ERBB3: variants seen among roughly 807,000 people sequenced by gnomAD.
ERBB3 encodes receptor tyrosine-protein kinase erbB-3.
In ERBB3, 96 loss-of-function variants were observed where a neutral mutation model predicts 156.7. That is an observed-to-expected ratio of 0.61 (90% confidence interval 0.52 to 0.73). The LOEUF is 0.73. ERBB3 is among the 30% of genes least tolerant of loss of function. ERBB3 has a pLI of 0.00. For synonymous variants in ERBB3, 567 were observed against 632.0 expected (o/e 0.90, Z 1.54); for missense variants, 1,406 against 1,709.4 (o/e 0.82, Z 3.13).
rs1312959630 is a variant in ERBB3, at chr12:56,088,539, C to T, written c.875-4C>T. 2 of 1,603,198 alleles carry T rather than the reference C, an allele frequency of 1.2e-6. No individual in the cohort carries two copies. The highest frequency in any genetic ancestry group is 1.3e-5 in the African/African-American group (1 of 74,660). ...TCTAATGGTGTCCTCCTCCTCTTCC[C>T]TAGATAACTTTGTGGTGGATCAAAC... On this transcript the variant is annotated splice_region_variant and splice_polypyrimidine_tract_variant and intron_variant, in intron 7 of 27. Transcript: ENST00000267101.
intron 6 of ERBB3, 45 bp from the exon 7 acceptor site, chr12:56,087,976 G>A: frequency 1.2e-6 from 2 of 1,613,958 alleles, no homozygotes; most frequent in Non-Finnish European, 1.7e-6. Flanking sequence ...GAGGAGGTAG[G>A]GGTACACACG....
chr12:56,096,159 T>C, intron 17 of ERBB3: 1 of 503,812 alleles, frequency 2.0e-6, no homozygotes. Flanking sequence ...TAAAGGGGGA[T>C]GATGTATGTG....
At chr12:56,094,047 T>A in intron 13 of ERBB3, 52 bp from the exon 14 acceptor site, 2 of 1,569,900 alleles carry the variant, frequency 1.3e-6, no homozygotes, top group South Asian at 1.1e-5. Context: ...GATCGGAGCA[T>A]GAAGGTCAGG....
Position 56,101,903 on chromosome 12 carries a change from A to T in ERBB3, c.3877A>T (p.Arg1293Ter). Reference protein sequence around the residue: ...PASEQGYEEMRAFQGPGHQAP... With the variant: ...PASEQGYEEM ...ATCTGAGCAAGGGTATGAAGAGATG[A>T]GAGCTTTTCAGGGGCCTGGACATCA... The change falls in exon 28 of 28, where the codon AGA becomes TGA. Residue 1293 changes from arginine (R) to a stop codon, truncating the protein, a stop_gained. Coordinates refer to ENST00000267101, the MANE Select transcript of ERBB3 (RefSeq NM_001982.4). LOFTEE classifies it high-confidence loss of function. 1 of 1,613,566 alleles carries T rather than the reference A, an allele frequency of 6.2e-7. No individual in the cohort carries two copies. Among genetic ancestry groups the T allele is most frequent in the South Asian group, 1.1e-5 (1 of 91,040 alleles).
intron 2 of ERBB3, among the ~76,000 whole-genome samples, chr12:56,084,357 T>G (rs1868404544): frequency 6.6e-6 from 1 of 152,162 alleles, no homozygotes; most frequent in Non-Finnish European, 1.5e-5. Context: ...ATGCCTGTAA[T>G]CCCAGCACTT....
At position 56,101,584 on chromosome 12, in the gene ERBB3, G is replaced by C; in HGVS notation, c.3558G>C (p.Leu1186=). The C allele has an allele frequency of 6.2e-7, 1 of 1,613,946 alleles. No individual in the cohort carries two copies. Among genetic ancestry groups the C allele is most frequent in the African/African-American group, 1.3e-5 (1 of 74,946 alleles). ...TLSSVGLSSV[L]GTEEEDEDEE... ...CTTCAGTGGGTCTCAGTTCTGTCCT[G>C]GGTACTGAAGAAGAAGATGAAGATG... The change falls in exon 28 of 28, where the codon CTG becomes CTC. Residue 1186 remains leucine, a synonymous_variant. Coordinates refer to ENST00000267101, the MANE Select transcript of ERBB3 (RefSeq NM_001982.4).
rs775382907 is a variant in ERBB3 at position 56,087,651 on chromosome 12, G to T, written c.613+9G>T. On this transcript the variant is annotated intron_variant, in intron 5 of 27. Coordinates refer to ENST00000267101, the MANE Select transcript of ERBB3 (RefSeq NM_001982.4). Reference sequence around the variant, plus strand: ...AGAAGACTGCCAGACATGTGGGTTTGAAATTCCCTCCAAAAACTTCACTCA... The same window carrying T: ...AGAAGACTGCCAGACATGTGGGTTTTAAATTCCCTCCAAAAACTTCACTCA... The T allele has an allele frequency of 6.2e-7, 1 of 1,613,910 alleles. No individual in the cohort carries two copies. Among genetic ancestry groups the T allele is most frequent in the Admixed American group, 1.7e-5 (1 of 60,018 alleles).
At position 56,081,518 on chromosome 12, in the gene ERBB3, A is replaced by T. The variant is rs536028186; in HGVS notation, c.82+1136A>T. ...TAAATTTAGATCCTGGGATTTTTAG[A>T]TGTGAACACTCCCAGCTGGTGGAGG... On this transcript the variant is annotated intron_variant, in intron 1 of 27. Transcript: ENST00000267101. Among the ~76,000 whole-genome samples the T allele has an allele frequency of 4.6e-5, 7 of 152,200 alleles. No homozygotes were observed. The East Asian group carries it at 1.4e-3, about 29-fold the overall frequency.
Position 56,088,552 on chromosome 12 carries a change from TG to T in ERBB3, c.886del (p.Val296TrpfsTer17). 6.2e-7 allele frequency: 1 copy of T among 1,612,360 alleles called. No individual in the cohort carries two copies. The highest frequency in any genetic ancestry group is 8.5e-7 in the Non-Finnish European group (1 of 1,178,410). ...TCCTCCTCTTCCCTAGATAACTTTG[TG>T]GTGGATCAAACATCCTGTGTCAGGG... is the stretch of plus-strand genomic sequence containing the variant. ...VCVASCPHNFVVDQTSCVRAC... is the reference protein window; with the variant it reads ...VCVASCPHNFXVDQTSCVRAC... On this transcript the variant is annotated frameshift_variant, in exon 8 of 28. Transcript: ENST00000267101. LOFTEE classifies it high-confidence loss of function.
rs569403749 is a variant in ERBB3 at position 56,094,133 on chromosome 12, T to C, written c.1648T>C (p.Phe550Leu). ...AGAATTTGCCCATGAGGCCGAATGC[T>C]TCTCCTGCCACCCGGAATGCCAACC... is the stretch of plus-strand genomic sequence containing the variant. ...PREFAHEAEC[F>L]SCHPECQPME... The change falls in exon 14 of 28, where the codon TTC becomes CTC. Residue 550 changes from phenylalanine to leucine, a missense_variant. By Grantham distance (22) the Phe-to-Leu change is conservative (BLOSUM62 0). Around this residue, in one of 3 missense-constraint regions of ERBB3, gnomAD observed 979 missense variants for 1,219.6 expected, o/e 0.80. Transcript: ENST00000267101. The C allele has an allele frequency of 6.2e-7, 1 of 1,614,066 alleles. No individual in the cohort carries two copies. Among genetic ancestry groups the C allele is most frequent in the South Asian group, 1.1e-5 (1 of 91,076 alleles).
chr12:56,087,727 G>C lies in ERBB3; in HGVS notation c.614-68G>C, dbSNP rs940950510. 5 of 1,583,880 alleles carry C rather than the reference G, an allele frequency of 3.2e-6. No individual in the cohort carries two copies. In the African/African-American group the frequency reaches 4.0e-5, roughly 13 times the overall value. On this transcript the variant is annotated intron_variant, in intron 5 of 27. Coordinates refer to ENST00000267101, the MANE Select transcript of ERBB3 (RefSeq NM_001982.4). ...AAGCCTGGGTCAACACTGTGGGGGA[G>C]GCATGAGCAGTGGCCTCAGAATTCA... is the stretch of plus-strand genomic sequence containing the variant.
At chr12:56,100,424 C>G (rs1041229147) in intron 26 of ERBB3, 179 bp downstream of exon 26, 10 of 648,928 alleles carry the variant, frequency 1.5e-5, no homozygotes, top group Non-Finnish European at 2.8e-5. Context: ...AGTGGATCAC[C>G]TGAGGTTAGG....
Position 56,101,047 on chromosome 12 carries a change from ATTT to A in ERBB3, c.3202-12_3202-10del, listed in dbSNP as rs762805410. Reference sequence around the variant, plus strand: ...AATTTCCTTGCATTATTTTCTGTTTATTTTCTTCCTTAGGAGTCTGCAGTTTCT... The same window carrying A: ...AATTTCCTTGCATTATTTTCTGTTTATCTTCCTTAGGAGTCTGCAGTTTCT... On this transcript the variant is annotated splice_polypyrimidine_tract_variant and intron_variant, in intron 26 of 27. Coordinates refer to ENST00000267101, the MANE Select transcript of ERBB3 (RefSeq NM_001982.4). 16 of 1,585,432 alleles carry A rather than the reference ATTT, an allele frequency of 1.0e-5. No individual in the cohort carries two copies. Among genetic ancestry groups the A allele is most frequent in the Non-Finnish European group, 1.4e-5 (16 of 1,164,454 alleles).
rs1344024575 is a variant in ERBB3 at position 56,097,652 on chromosome 12, AC to A, written c.2461-132del. On this transcript the variant is annotated intron_variant, in intron 20 of 27. Coordinates refer to ENST00000267101, the MANE Select transcript of ERBB3 (RefSeq NM_001982.4). ...CCTTCCCCTGGAAAAACTGTCTTCC[AC>A]AAAACCAGTCCCTGGTGCCAAAAAA... The A allele has an allele frequency of 1.3e-5, 13 of 963,568 alleles. No homozygotes were observed. The East Asian group carries it at 3.1e-4, about 23-fold the overall frequency. 59.7% of individuals were successfully genotyped at this position (963,568 alleles called of 1,614,324 possible).
In ERBB3 at chr12:56,102,829, A is replaced by AAC. The variant is rs1869166621; in HGVS notation, c.*775_*776insCA. ...TTTAAAAAAAAAAAAAAAAAAAAAA[A>AAC]AAAAACTTTAGAACTGGGTGCAGTG... On this transcript the variant is annotated 3_prime_UTR_variant, in exon 28 of 28. Transcript: ENST00000267101. 1 of 215,326 alleles carries AAC rather than the reference A, an allele frequency of 4.6e-6. No individual in the cohort carries two copies. Among genetic ancestry groups the AAC allele is most frequent in the African/African-American group, 2.3e-5 (1 of 43,876 alleles). The allele number at this position is 215,326 out of a possible 1,614,324, so 13.3% of individuals were successfully genotyped here.
intron 1 of ERBB3, among the ~76,000 whole-genome samples, chr12:56,082,255 T>C (rs993036947): frequency 6.6e-6 from 1 of 152,202 alleles, no homozygotes; most frequent in African/African-American, 2.4e-5. Context: ...CCCACACTAC[T>C]ACTTCCCTGT....
chr12:56,097,720 G>A (rs1868935167), intron 20 of ERBB3, 65 bp from the exon 21 acceptor site: 1 of 1,528,744 alleles, frequency 6.5e-7, no homozygotes, highest in Non-Finnish European at 9.1e-7. Context: ...AGATTTGGGG[G>A]AATTCCAGAT....
At chr12:56,097,974 G>A (rs2067810781) in intron 21 of ERBB3, 34 bp downstream of exon 21, 1 of 1,609,178 alleles carries the variant, frequency 6.2e-7, no homozygotes, top group Non-Finnish European at 8.5e-7. Context: ...AGGCGGGGGT[G>A]GAGTGAAGCA....
At chr12:56,099,626 A>G (rs1296753072) in intron 23 of ERBB3, 22 bp from the exon 24 acceptor site, 4 of 1,599,104 alleles carry the variant, frequency 2.5e-6, no homozygotes, top group Non-Finnish European at 3.4e-6. Flanking sequence ...TTATGTCTCT[A>G]CCTCCTACAT....
Sources: allele counts gnomAD v4.1 joint callset (sites outside exome capture counted in the v4.1 genomes callset), GRCh38; gene constraint gnomAD v4.1.1; regional missense constraint gnomAD v4.1.1; transcripts MANE v1.5; gene names NCBI Gene and HGNC (gene_info 2026-07-23, HGNC 2026-07-21).